CACNB2: variants seen among roughly 807,000 people sequenced by gnomAD.
CACNB2 encodes calcium voltage-gated channel auxiliary subunit beta 2.
In CACNB2, 42 loss-of-function variants were observed where a neutral mutation model predicts 73.3. The observed-to-expected ratio is 0.57, with a 90% confidence interval of 0.45 to 0.74. The LOEUF is 0.74. Among genes scored for constraint, CACNB2 ranks in the 30% least tolerant of loss-of-function variants. CACNB2 has a pLI of 0.00. For missense variants in CACNB2, 940 were observed against 853.0 expected (o/e 1.10, Z -1.27); for synonymous variants, 348 against 310.3 (o/e 1.12, Z -1.28).
chr10:18,193,310 C>T (rs1418988302), intron 2 of CACNB2, among the ~76,000 whole-genome samples: 1 of 151,180 alleles, frequency 6.6e-6, no homozygotes, highest in Non-Finnish European at 1.5e-5. Flanking sequence ...ATACATTTTC[C>T]CCAGCAATAA....
At chr10:18,259,358 G>T (rs1442798944) in intron 2 of CACNB2, among the ~76,000 whole-genome samples, 2 of 151,938 alleles carry the variant, frequency 1.3e-5, no homozygotes, top group Admixed American at 6.6e-5. Context: ...CTGGAGCCAG[G>T]AGTTTGAGAC....
At chr10:18,350,923 C>T (rs1360539338) in intron 2 of CACNB2, among the ~76,000 whole-genome samples, 1 of 152,156 alleles carries the variant, frequency 6.6e-6, no homozygotes, top group Non-Finnish European at 1.5e-5. Flanking sequence ...TCATCTATCA[C>T]AGTTAAAAAC....
intron 3 of CACNB2, among the ~76,000 whole-genome samples, chr10:18,421,468 T>C (rs1238316745): frequency 6.6e-6 from 1 of 152,024 alleles, no homozygotes; most frequent in East Asian, 1.9e-4. Flanking sequence ...CGGCTAATTT[T>C]TTGTATTTTT....
chr10:18,507,656 G>C lies in CACNB2; in HGVS notation c.670+1109G>C, dbSNP rs186495978. Among the ~76,000 whole-genome samples, 17 of 152,246 alleles carry C rather than the reference G, an allele frequency of 1.1e-4. No individual in the cohort carries two copies. In the East Asian group the frequency reaches 2.7e-3, roughly 24 times the overall value. ...AATTGCAAAAAAAAGCACATGATCA[G>C]TATCTTAGTTTGCTAAGAGAATTGT... On this transcript the variant is annotated intron_variant, in intron 6 of 13. Coordinates refer to ENST00000324631, the MANE Select transcript of CACNB2 (RefSeq NM_201596.3).
At chr10:18,363,278 A>G (rs192665551) in intron 2 of CACNB2, among the ~76,000 whole-genome samples, 1 of 152,204 alleles carries the variant, frequency 6.6e-6, no homozygotes, top group Non-Finnish European at 1.5e-5. Flanking sequence ...TCTCAACAGG[A>G]TGGATGGCTC....
intron 3 of CACNB2, among the ~76,000 whole-genome samples, chr10:18,410,593 A>G (rs888202629): frequency 3.3e-5 from 5 of 152,214 alleles, no homozygotes; most frequent in South Asian, 2.1e-4. Flanking sequence ...ACATATGTCT[A>G]TAATGCGTAT....
chr10:18,398,681 AC>A (rs2043833927), intron 2 of CACNB2, among the ~76,000 whole-genome samples: 1 of 114,536 alleles, frequency 8.7e-6, no homozygotes, highest in Non-Finnish European at 1.8e-5. Context: ...ACACACACAC[AC>A]ACACACACAT....
intron 2 of CACNB2, among the ~76,000 whole-genome samples, chr10:18,245,397 C>A (rs1177507259): frequency 2.0e-5 from 3 of 152,188 alleles, no homozygotes; most frequent in Non-Finnish European, 4.4e-5. Context: ...GAGCTCACTG[C>A]AGCCTCTGTC....
rs201654242 is a variant in CACNB2 at position 18,347,344 on chromosome 10, A to ATTTTTTT, written c.214-54557_214-54551dup. On this transcript the variant is annotated intron_variant, in intron 2 of 13. Coordinates refer to ENST00000324631, the MANE Select transcript of CACNB2 (RefSeq NM_201596.3). ...AGGCGCATGCCGCCATGCCCGTCTAATTTTTTTTTTTTTTTTTTTTTTTTT... is the reference window on the plus strand; with the variant it reads ...AGGCGCATGCCGCCATGCCCGTCTAATTTTTTTTTTTTTTTTTTTTTTTTTTTTTTTT... 6.3e-4 allele frequency among the ~76,000 whole-genome samples: 76 copies of ATTTTTTT among 120,790 alleles called. 4 individuals are homozygous for ATTTTTTT. Among genetic ancestry groups the ATTTTTTT allele is most frequent in the Admixed American group, 4.6e-3 (52 of 11,300 alleles). The allele number at this position is 120,790 out of a possible 152,430, so 79.2% of individuals were successfully genotyped here. A position where few individuals can be genotyped will look rare whatever the true frequency, so the allele number is the denominator to read the frequency against.
intron 2 of CACNB2, among the ~76,000 whole-genome samples, chr10:18,160,878 G>T (rs182876823): frequency 6.6e-6 from 1 of 152,154 alleles, no homozygotes; most frequent in African/African-American, 2.4e-5. Flanking sequence ...GTTCAGTATT[G>T]AGACATAATC....
intron 2 of CACNB2, among the ~76,000 whole-genome samples, chr10:18,174,855 C>T (rs867845381): frequency 6.6e-6 from 1 of 151,788 alleles, no homozygotes; most frequent in Non-Finnish European, 1.5e-5. Context: ...TTTCCCTCAA[C>T]TAAAAAAAAT....
intron 3 of CACNB2, among the ~76,000 whole-genome samples, chr10:18,423,709 C>T (rs371572549): frequency 1.3e-5 from 2 of 152,094 alleles, no homozygotes; most frequent in East Asian, 3.9e-4. Context: ...ACATAAAGGA[C>T]TCAAGCATAA....
intron 2 of CACNB2, among the ~76,000 whole-genome samples, chr10:18,183,952 T>G (rs2034021234): frequency 6.6e-6 from 1 of 152,192 alleles, no homozygotes; most frequent in Non-Finnish European, 1.5e-5. Flanking sequence ...CCGTTGCTCC[T>G]CTGTGCAGAT....
intron 2 of CACNB2, among the ~76,000 whole-genome samples, chr10:18,226,807 A>T (rs1228619843): frequency 6.6e-6 from 1 of 152,236 alleles, no homozygotes; most frequent in Non-Finnish European, 1.5e-5. Context: ...AGACACAGGC[A>T]GAATACAGCC....
intron 2 of CACNB2, among the ~76,000 whole-genome samples, chr10:18,309,393 G>T (rs1246539540): frequency 8.5e-5 from 13 of 152,192 alleles, no homozygotes; most frequent in African/African-American, 2.7e-4. Flanking sequence ...AGGTGGTTGG[G>T]TCGGGGCTGC....
chr10:18,375,676 C>T (rs917876167), intron 2 of CACNB2, among the ~76,000 whole-genome samples: 5 of 152,166 alleles, frequency 3.3e-5, no homozygotes, highest in African/African-American at 7.2e-5. Context: ...CTCTGATAAT[C>T]GTAGGCCTGA....
chr10:18,356,485 T>A (rs919169109), intron 2 of CACNB2, among the ~76,000 whole-genome samples: 8 of 152,212 alleles, frequency 5.3e-5, no homozygotes, highest in Non-Finnish European at 1.0e-4. Context: ...ATCCTAAACA[T>A]CTCTGTGGTT....
intron 2 of CACNB2, among the ~76,000 whole-genome samples, chr10:18,289,281 C>CTTTTTT (rs1564407541): frequency 7.2e-5 from 7 of 96,936 alleles, no homozygotes; most frequent in African/African-American, 3.9e-4. Flanking sequence ...ATTTTTTTTT[C>CTTTTTT]TTGTTTTTTT....
intron 3 of CACNB2, among the ~76,000 whole-genome samples, chr10:18,486,372 G>T (rs1343831292): frequency 6.6e-6 from 1 of 152,168 alleles, no homozygotes; most frequent in Admixed American, 6.5e-5. Flanking sequence ...CATAACCAAA[G>T]ATATTTTTAA....
Sources: gnomAD v4.1 joint callset for allele counts (sites outside exome capture counted in the v4.1 genomes callset) on GRCh38, gnomAD v4.1.1 for gene constraint, MANE v1.5 for transcripts, NCBI Gene and HGNC (gene_info 2026-07-23, HGNC 2026-07-21) for gene names.